The following HAS3 variants were observed in gnomAD, a reference collection of about 807,000 sequenced individuals.
The protein encoded by HAS3 is HA synthase 3.
A neutral mutation model predicts 50.3 loss-of-function variants in HAS3; 27 were observed. That is an observed-to-expected ratio of 0.54 (90% CI 0.40 to 0.74). HAS3 has a LOEUF of 0.74. Among genes scored for constraint, HAS3 ranks in the 30% least tolerant of loss-of-function variants. HAS3 has a pLI of 0.00. For missense variants in HAS3, 517 were observed against 742.8 expected, an observed-to-expected ratio of 0.70 and a Z score of 3.53; for synonymous variants, 339 against 310.9, an observed-to-expected ratio of 1.09 and a Z score of -0.95.
chr16:69,099,958 T>C, the HAS3 span, among the ~76,000 whole-genome samples: 27 of 152,218 alleles, frequency 1.8e-4, no homozygotes, highest in East Asian at 3.7e-3. Context: ...GTGCCCCTCC[T>C]AATCCTGACC....
chr16:69,113,563 T>C (rs1220881558), intron 3 of HAS3, 21 bp downstream of exon 3: 1 of 1,410,748 alleles, frequency 7.1e-7, no homozygotes. Context: ...ACCAGGGATA[T>C]CTGTGGGGAG....
Sources: gnomAD v4.1 joint callset for allele counts (sites outside exome capture counted in the v4.1 genomes callset) on GRCh38, gnomAD v4.1.1 for gene constraint, MANE v1.5 for transcripts, NCBI Gene and HGNC (gene_info 2026-07-23, HGNC 2026-07-21) for gene names.